Variants in DOCK4 observed in about 807,000 individuals in gnomAD.
The protein encoded by DOCK4 is dedicator of cytokinesis 4.
A neutral mutation model predicts 268.1 loss-of-function variants in DOCK4; 97 were observed. The ratio of observed to expected loss-of-function variants is 0.36; its 90% confidence interval spans 0.31 to 0.43. The LOEUF (loss-of-function observed/expected upper bound fraction) is 0.43. Among genes scored for constraint, DOCK4 ranks in the 20% least tolerant of loss-of-function variants. The pLI is 1.00. For missense variants in DOCK4, 2,145 were observed against 2,455.7 expected, an observed-to-expected ratio of 0.87 and a Z score of 2.67; for synonymous variants, 954 against 887.2, an observed-to-expected ratio of 1.08 and a Z score of -1.34.
chr7:111,972,913 C>G (rs916560574), intron 8 of DOCK4, among the ~76,000 whole-genome samples: 2 of 151,296 alleles, frequency 1.3e-5, no homozygotes, highest in African/African-American at 4.9e-5. Context: ...TACACTGTAC[C>G]CAATGTGTAG....
At chr7:111,842,155 A>G (rs1285111225) in intron 25 of DOCK4, among the ~76,000 whole-genome samples, 1 of 152,192 alleles carries the variant, frequency 6.6e-6, no homozygotes, top group African/African-American at 2.4e-5. Context: ...TAAAAACCTG[A>G]ACATCAAATA....
intron 27 of DOCK4, among the ~76,000 whole-genome samples, chr7:111,814,454 T>G (rs996883217): frequency 5.9e-5 from 9 of 152,150 alleles, no homozygotes; most frequent in Non-Finnish European, 8.8e-5. Flanking sequence ...GTGATTCTTA[T>G]GGTGTACCCG....
At chr7:112,196,504 G>A (rs1223643585) in intron 1 of DOCK4, among the ~76,000 whole-genome samples, 1 of 152,148 alleles carries the variant, frequency 6.6e-6, no homozygotes, top group Non-Finnish European at 1.5e-5. Flanking sequence ...CCACCTTCCT[G>A]TCCTGCTCGT....
chr7:112,160,760 T>C (rs1817038891), intron 1 of DOCK4, among the ~76,000 whole-genome samples: 1 of 152,232 alleles, frequency 6.6e-6, no homozygotes, highest in Non-Finnish European at 1.5e-5. Context: ...TCTATACACT[T>C]ATCTTTCGAA....
chr7:112,039,640 G>A (rs1017896971), intron 1 of DOCK4, among the ~76,000 whole-genome samples: 10 of 151,860 alleles, frequency 6.6e-5, no homozygotes, highest in South Asian at 4.2e-4. Flanking sequence ...GAGTAGAGTC[G>A]CAGACATCTC....
chr7:111,994,848 G>A (rs114585780), intron 4 of DOCK4, among the ~76,000 whole-genome samples: 6 of 152,164 alleles, frequency 3.9e-5, no homozygotes, highest in African/African-American at 1.4e-4. Context: ...TGACATCACC[G>A]ATATTTGAAT....
intron 12 of DOCK4, among the ~76,000 whole-genome samples, chr7:111,930,194 TCTAA>T (rs1407545043): frequency 4.6e-5 from 7 of 152,208 alleles, no homozygotes; most frequent in Middle Eastern, 3.2e-3. Context: ...CCTAACTATA[TCTAA>T]CTGTGAAGAT....
rs1171978947 is a variant in DOCK4, at chr7:111,768,832, G to C, written c.3828+697C>G. ...TGAAGGATGATAATGGTTTTTCAGA[G>C]AATACAATATCTGCGTGCTATGGTC... On this transcript the variant is annotated intron_variant, in intron 37 of 52. Transcript: ENST00000428084. 3.9e-5 allele frequency among the ~76,000 whole-genome samples: 6 copies of C among 152,176 alleles called. No homozygotes were observed. In the East Asian group the frequency reaches 1.2e-3, roughly 29 times the overall value.
chr7:111,788,615 C>T (rs1288336953), intron 32 of DOCK4, 47 bp downstream of exon 32: 1 of 1,505,394 alleles, frequency 6.6e-7, no homozygotes, highest in Non-Finnish European at 9.1e-7. Flanking sequence ...AGTACTGACA[C>T]CAAATCCCCC....
chr7:112,130,925 C>T (rs1813738866), intron 1 of DOCK4, among the ~76,000 whole-genome samples: 1 of 152,154 alleles, frequency 6.6e-6, no homozygotes, highest in South Asian at 2.1e-4. Flanking sequence ...CAAGTCATTA[C>T]CTCAGTAAAA....
At chr7:112,124,572 T>G (rs1002962390) in intron 1 of DOCK4, among the ~76,000 whole-genome samples, 3 of 152,152 alleles carry the variant, frequency 2.0e-5, no homozygotes, top group Admixed American at 6.5e-5. Flanking sequence ...GAAGCAGAAG[T>G]GTAATAAGTG....
At chr7:112,161,422 T>C (rs182823568) in intron 1 of DOCK4, among the ~76,000 whole-genome samples, 1 of 152,336 alleles carries the variant, frequency 6.6e-6, no homozygotes, top group Non-Finnish European at 1.5e-5. Flanking sequence ...AGATCTTTCA[T>C]GTCTGGCATG....
intron 1 of DOCK4, among the ~76,000 whole-genome samples, chr7:112,029,367 T>C (rs1203336699): frequency 5.9e-5 from 9 of 152,214 alleles, no homozygotes; most frequent in Non-Finnish European, 8.8e-5. Context: ...TTATGCAGCA[T>C]AGAATTGCTT....
Position 111,735,552 on chromosome 7 carries a change from G to A in DOCK4, c.5306-385C>T, listed in dbSNP as rs1476894039. ...ACAAGTGACACCTAAAAATGGAGAAGGCAATGACATACTAATATTTTAACT... is the reference window on the plus strand; with the variant it reads ...ACAAGTGACACCTAAAAATGGAGAAAGCAATGACATACTAATATTTTAACT... On this transcript the variant is annotated intron_variant, in intron 50 of 52. Transcript: ENST00000428084. Among the ~76,000 whole-genome samples the A allele has an allele frequency of 2.0e-5, 3 of 152,122 alleles. No homozygotes were observed. In the South Asian group the frequency reaches 6.2e-4, roughly 32 times the overall value.
chr7:112,196,324 CT>C (rs140482271), intron 1 of DOCK4, among the ~76,000 whole-genome samples: 7,796 of 152,226 alleles, frequency 0.051, 300 homozygotes, highest in South Asian at 0.12. Flanking sequence ...TCTTATCCCC[CT>C]ACCTCCTTCT....
chr7:111,728,526 GGGCACCGGCACT>G lies in DOCK4; in HGVS notation c.5664_5675del (p.Val1891_Pro1894del), dbSNP rs777676750. Reference sequence around the variant, plus strand: ...GCTCCTCCCCGCCGTAGCTCGGCACGGGCACCGGCACTGGCACCGGCAGGGGGGCCGACTGTT... The same window carrying G: ...GCTCCTCCCCGCCGTAGCTCGGCACGGGCACCGGCAGGGGGGCCGACTGTT... On this transcript the variant is annotated inframe_deletion, in exon 53 of 53. Transcript: ENST00000428084. The G allele has an allele frequency of 3.7e-5, 60 of 1,613,334 alleles. No individual in the cohort carries two copies. Among genetic ancestry groups the G allele is most frequent in the East Asian group, 1.8e-4 (8 of 44,820 alleles).
chr7:112,115,821 C>G (rs1309117360), intron 1 of DOCK4, among the ~76,000 whole-genome samples: 1 of 152,178 alleles, frequency 6.6e-6, no homozygotes, highest in African/African-American at 2.4e-5. Flanking sequence ...AGCAGGACTA[C>G]AGGTACAAGT....
At chr7:112,055,036 T>A (rs977454548) in intron 1 of DOCK4, among the ~76,000 whole-genome samples, 3 of 152,250 alleles carry the variant, frequency 2.0e-5, no homozygotes, top group African/African-American at 7.2e-5. Flanking sequence ...CTACATACAG[T>A]CAGTCCTTAC....
intron 30 of DOCK4, among the ~76,000 whole-genome samples, chr7:111,804,989 C>T (rs1186422868): frequency 7.2e-5 from 11 of 152,164 alleles, no homozygotes. Flanking sequence ...GTGTTCAGTG[C>T]TCTGTATGCA....
Sources: gnomAD v4.1 joint callset for allele counts (sites outside exome capture counted in the v4.1 genomes callset) on GRCh38, gnomAD v4.1.1 for gene constraint, MANE v1.5 for transcripts, NCBI Gene and HGNC (gene_info 2026-07-23, HGNC 2026-07-21) for gene names.